Variants in DGKG observed in about 807,000 individuals in gnomAD.
DGKG encodes diacylglycerol kinase gamma.
In DGKG, 78 loss-of-function variants were observed where a neutral mutation model predicts 105.3. The observed-to-expected ratio is 0.74, with a 90% CI of 0.62 to 0.89. DGKG has a LOEUF of 0.89. DGKG is among the 40% of genes least tolerant of loss of function. DGKG has a pLI of 0.00. For synonymous variants in DGKG, 346 were observed against 367.1 expected (o/e 0.94, Z 0.66); for missense variants, 958 against 1,020.1 (o/e 0.94, Z 0.83).
chr3:186,252,020 C>T, intron 18 of DGKG, 101 bp from the exon 19 acceptor site: 2 of 1,132,202 alleles, frequency 1.8e-6, no homozygotes, highest in Non-Finnish European at 2.5e-6. Flanking sequence ...GCATCTGTGA[C>T]TATGGGACTC....
chr3:186,294,461 G>A (rs1038369402), intron 5 of DGKG, among the ~76,000 whole-genome samples: 16 of 151,774 alleles, frequency 1.1e-4, no homozygotes, highest in African/African-American at 3.9e-4. Flanking sequence ...GCTTGAACTC[G>A]GGAGGCAGAG....
chr3:186,196,875 T>A (rs1468770336), intron 21 of DGKG, among the ~76,000 whole-genome samples: 1 of 151,824 alleles, frequency 6.6e-6, no homozygotes, highest in Non-Finnish European at 1.5e-5. Flanking sequence ...GGGAACAGAG[T>A]CAGAGTCACC....
intron 22 of DGKG, among the ~76,000 whole-genome samples, chr3:186,176,047 G>T (rs1033650383): frequency 2.6e-5 from 4 of 152,172 alleles, no homozygotes; most frequent in Admixed American, 1.3e-4. Context: ...CAGAGACAAA[G>T]TACCTTGCAG....
At chr3:186,312,835 A>C (rs956829864) in intron 2 of DGKG, among the ~76,000 whole-genome samples, 27 of 152,242 alleles carry the variant, frequency 1.8e-4, no homozygotes, top group Admixed American at 5.9e-4. Context: ...AGCCAGCTGG[A>C]GTCAGGCCTC....
At position 186,298,931 on chromosome 3, in the gene DGKG, A is replaced by T. The variant is rs147279309; in HGVS notation, c.145-702T>A. 2.7e-3 allele frequency among the ~76,000 whole-genome samples: 417 copies of T among 152,328 alleles called. 1 individual carries two copies. Among genetic ancestry groups the T allele is most frequent in the Non-Finnish European group, 4.9e-3 (336 of 68,026 alleles). On this transcript the variant is annotated intron_variant, in intron 3 of 24. Coordinates refer to ENST00000265022, the MANE Select transcript of DGKG (RefSeq NM_001346.3). Reference sequence around the variant, plus strand: ...TGTCCTTGTGAAGGTTTTAGGCACCAGGAGAAGAGCAGGAAGCCAAGGACA... The same window carrying T: ...TGTCCTTGTGAAGGTTTTAGGCACCTGGAGAAGAGCAGGAAGCCAAGGACA...
chr3:186,183,953 C>T (rs1282872209), intron 22 of DGKG, among the ~76,000 whole-genome samples: 1 of 152,190 alleles, frequency 6.6e-6, no homozygotes, highest in Non-Finnish European at 1.5e-5. Context: ...ATCCACCTGC[C>T]TCGGCTTCCC....
At position 186,188,254 on chromosome 3, in the gene DGKG, C is replaced by G; in HGVS notation, c.2043G>C (p.Arg681=). 1.2e-6 allele frequency: 2 copies of G among 1,614,150 alleles called. No individual in the cohort carries two copies. The highest frequency in any genetic ancestry group is 1.7e-6 in the Non-Finnish European group (2 of 1,180,042). ...GENKKNRAVI[R]ESRKGVTDPK... is the part of the protein sequence containing the mutation. ...GGTCAGTGACACCCTTCCTGCTTTC[C>G]CGGATCACAGCCCGGTTCTTCTTGT... is the stretch of plus-strand genomic sequence containing the variant. Residue 681 remains arginine (R), a synonymous_variant, in exon 22 of 25, where the codon CGG becomes CGC. Transcript: ENST00000265022.
chr3:186,194,026 G>T (rs951036095), intron 21 of DGKG, among the ~76,000 whole-genome samples: 2 of 152,224 alleles, frequency 1.3e-5, no homozygotes, highest in Non-Finnish European at 2.9e-5. Context: ...CCAGGTGCCC[G>T]ATGTCGGTCT....
rs149862847 is a variant in DGKG at position 186,216,675 on chromosome 3, GCACGTGGTACCCTA to G, written c.1827-4804_1827-4791del. On this transcript the variant is annotated intron_variant, in intron 20 of 24. Coordinates refer to ENST00000265022, the MANE Select transcript of DGKG (RefSeq NM_001346.3). ...CAAAGCCTTCAGGAAAAGCCTATAG[GCACGTGGTACCCTA>G]CAATTTGAGCTGGGAGATGCAGCCC... Among the ~76,000 whole-genome samples the G allele has an allele frequency of 7.5e-3, 1,134 of 152,182 alleles. 14 individuals are homozygous for G. Among genetic ancestry groups the G allele is most frequent in the African/African-American group, 0.026 (1,073 of 41,496 alleles).
intron 17 of DGKG, among the ~76,000 whole-genome samples, chr3:186,256,154 A>G (rs1721458151): frequency 1.3e-5 from 2 of 152,244 alleles, no homozygotes; most frequent in South Asian, 4.2e-4. Flanking sequence ...CTCCTCCCAC[A>G]AACAACTCCA....
chr3:186,188,516 C>T (rs1270940624), intron 21 of DGKG, 137 bp from the exon 22 acceptor site: 9 of 845,978 alleles, frequency 1.1e-5, no homozygotes, highest in Non-Finnish European at 1.6e-5. Flanking sequence ...CACCCTGCCA[C>T]TGTCAGAAGA....
intron 23 of DGKG, 130 bp from the exon 24 acceptor site, chr3:186,161,793 T>A (rs1169248261): frequency 1.4e-6 from 2 of 1,404,592 alleles, no homozygotes; most frequent in African/African-American, 1.4e-5. Context: ...AAGACTCTTT[T>A]GGAGAACTTG....
intron 22 of DGKG, among the ~76,000 whole-genome samples, chr3:186,174,451 AAGG>A (rs750459628): frequency 1.3e-5 from 2 of 152,196 alleles, no homozygotes; most frequent in African/African-American, 2.4e-5. Flanking sequence ...AAGTGAAAAA[AAGG>A]AGAAGGTTGG....
chr3:186,245,907 C>T (rs149033045), intron 19 of DGKG, among the ~76,000 whole-genome samples: 6 of 138,024 alleles, frequency 4.3e-5, no homozygotes, highest in Non-Finnish European at 9.5e-5. Context: ...AAACAAAAAA[C>T]AAACAAACAA....
chr3:186,236,690 G>T (rs1260301619), intron 20 of DGKG, among the ~76,000 whole-genome samples: 1 of 152,226 alleles, frequency 6.6e-6, no homozygotes, highest in African/African-American at 2.4e-5. Flanking sequence ...CATGGGACCT[G>T]CTCCAAGAAA....
intron 24 of DGKG, chr3:186,160,671 T>C: frequency 6.1e-6 from 6 of 985,302 alleles, no homozygotes; most frequent in Non-Finnish European, 7.2e-6. Flanking sequence ...TCCACTAGAG[T>C]GAGGAAGCTT....
chr3:186,228,630 T>C (rs577181814), intron 20 of DGKG, among the ~76,000 whole-genome samples: 3 of 152,266 alleles, frequency 2.0e-5, no homozygotes, highest in South Asian at 2.1e-4. Context: ...ATGTCCAGTG[T>C]CCTCTCACAC....
At chr3:186,307,176 CT>C (rs1310673455) in intron 2 of DGKG, among the ~76,000 whole-genome samples, 199 bp from the exon 3 acceptor site, 1 of 152,142 alleles carries the variant, frequency 6.6e-6, no homozygotes, top group African/African-American at 2.4e-5. Flanking sequence ...TCTAAATTAT[CT>C]TTCTGAAACA....
intron 24 of DGKG, among the ~76,000 whole-genome samples, chr3:186,157,808 T>C (rs1716110140): frequency 6.6e-6 from 1 of 152,186 alleles, no homozygotes; most frequent in Admixed American, 6.5e-5. Flanking sequence ...GTTCAAGCGA[T>C]TCTCATGCCT....
Sources: gnomAD v4.1 joint callset for allele counts (sites outside exome capture counted in the v4.1 genomes callset) on GRCh38, gnomAD v4.1.1 for gene constraint, MANE v1.5 for transcripts, NCBI Gene and HGNC (gene_info 2026-07-23, HGNC 2026-07-21) for gene names.